RFC3: variants seen among roughly 807,000 people sequenced by gnomAD.
RFC3 encodes A1 38 kDa subunit.
A neutral mutation model predicts 45.1 loss-of-function variants in RFC3; 41 were observed. That is an observed-to-expected ratio of 0.91 (90% confidence interval 0.71 to 1.18). The LOEUF is 1.18. Ranked by LOEUF, RFC3 falls within the 50% of genes most tolerant of loss-of-function variation. The pLI is 0.00. For missense variants in RFC3, 423 were observed against 428.1 expected, an observed-to-expected ratio of 0.99 and a Z score of 0.10; for synonymous variants, 149 against 144.0, an observed-to-expected ratio of 1.03 and a Z score of -0.25.
At chr13:33,829,526 CTT>C in intron 4 of RFC3, 1 of 274,710 alleles carries the variant, frequency 3.6e-6, no homozygotes, top group Non-Finnish European at 6.8e-6. Context: ...AGATTCTTTT[CTT>C]TTTTTTACTA....
chr13:33,882,814 CTCA>C (rs1423439693), intron 8 of RFC3, among the ~76,000 whole-genome samples: 1 of 152,234 alleles, frequency 6.6e-6, no homozygotes, highest in Non-Finnish European at 1.5e-5. Flanking sequence ...CCACTAATCT[CTCA>C]TCATTCTAAT....
intron 8 of RFC3, among the ~76,000 whole-genome samples, chr13:33,927,506 G>T (rs2082821562): frequency 1.3e-5 from 2 of 152,124 alleles, no homozygotes; most frequent in Non-Finnish European, 2.9e-5. Flanking sequence ...AGTGGATCTG[G>T]TGAGTGTTTT....
intron 8 of RFC3, among the ~76,000 whole-genome samples, chr13:33,897,316 T>C (rs911503074): frequency 2.6e-5 from 4 of 152,076 alleles, no homozygotes; most frequent in Admixed American, 6.6e-5. Flanking sequence ...TTCTATTTTT[T>C]GTGTGATCTA....
chr13:33,846,822 C>T (rs1256660213), intron 8 of RFC3: 2 of 152,302 alleles, frequency 1.3e-5, no homozygotes, highest in East Asian at 3.9e-4. Flanking sequence ...TAGGGCTGGT[C>T]TAAATACTCT....
chr13:33,834,927 T>A lies in RFC3; in HGVS notation c.810-221T>A, dbSNP rs3783269. On this transcript the variant is annotated intron_variant, in intron 7 of 8. Coordinates refer to ENST00000380071, the MANE Select transcript of RFC3 (RefSeq NM_002915.4). Reference sequence around the variant, plus strand: ...TTCTGTTTCAAAAATGAACTGAAGTTAGGAGAAGCCTCCATATGTTTATCC... The same window carrying A: ...TTCTGTTTCAAAAATGAACTGAAGTAAGGAGAAGCCTCCATATGTTTATCC... 5.9e-3 allele frequency among the ~76,000 whole-genome samples: 904 copies of A among 152,276 alleles called. 12 individuals are homozygous for A. Among genetic ancestry groups the A allele is most frequent in the Admixed American group, 0.036 (557 of 15,284 alleles).
chr13:33,954,448 G>T (rs547202061), intron 8 of RFC3, among the ~76,000 whole-genome samples: 17 of 152,296 alleles, frequency 1.1e-4, no homozygotes, highest in South Asian at 2.1e-4. Flanking sequence ...ATCCTACTAT[G>T]ATTTGAGGTT....
intron 8 of RFC3, among the ~76,000 whole-genome samples, chr13:33,871,958 A>G (rs1348321465): frequency 3.3e-5 from 5 of 152,224 alleles, no homozygotes; most frequent in African/African-American, 1.2e-4. Context: ...AGTAGTATTT[A>G]GTAGTAGTCA....
At chr13:33,902,083 A>G (rs2082645203) in intron 8 of RFC3, among the ~76,000 whole-genome samples, 1 of 152,044 alleles carries the variant, frequency 6.6e-6, no homozygotes, top group African/African-American at 2.4e-5. Flanking sequence ...TGATGACGGA[A>G]TATCAGTTCA....
At chr13:33,933,151 C>T (rs994169517) in intron 8 of RFC3, among the ~76,000 whole-genome samples, 2 of 152,104 alleles carry the variant, frequency 1.3e-5, no homozygotes, top group Non-Finnish European at 2.9e-5. Context: ...GCAAACAATA[C>T]ATTCTTCAGA....
chr13:33,962,575 T>C (rs2083063918), intron 8 of RFC3, among the ~76,000 whole-genome samples: 1 of 152,200 alleles, frequency 6.6e-6, no homozygotes, highest in Non-Finnish European at 1.5e-5. Flanking sequence ...AGGCCAAATA[T>C]TTATGTTCAC....
At chr13:33,857,338 T>C (rs991035577) in intron 8 of RFC3, among the ~76,000 whole-genome samples, 1 of 152,190 alleles carries the variant, frequency 6.6e-6, no homozygotes, top group African/African-American at 2.4e-5. Context: ...TCCTACAGAA[T>C]GGACTCAAAG....
intron 8 of RFC3, among the ~76,000 whole-genome samples, chr13:33,882,236 A>C (rs1321477754): frequency 1.3e-5 from 2 of 152,242 alleles, no homozygotes; most frequent in South Asian, 2.1e-4. Context: ...GAACTAAACT[A>C]TACACCTAAT....
At chr13:33,857,610 T>C (rs188236264) in intron 8 of RFC3, among the ~76,000 whole-genome samples, 7 of 152,302 alleles carry the variant, frequency 4.6e-5, no homozygotes, top group African/African-American at 1.7e-4. Context: ...ATATTTTTGC[T>C]TCATTTTCTC....
intron 8 of RFC3, among the ~76,000 whole-genome samples, chr13:33,958,581 C>T (rs1328147178): frequency 6.6e-6 from 1 of 152,080 alleles, no homozygotes; most frequent in Non-Finnish European, 1.5e-5. Flanking sequence ...AGCATAGAGA[C>T]GGAAAACAGA....
intron 8 of RFC3, among the ~76,000 whole-genome samples, chr13:33,937,031 G>A (rs1197351635): frequency 6.6e-6 from 1 of 152,136 alleles, no homozygotes; most frequent in Non-Finnish European, 1.5e-5. Flanking sequence ...TATCTTGATT[G>A]TGATGATAAC....
At chr13:33,941,833 C>T (rs530592637) in intron 8 of RFC3, among the ~76,000 whole-genome samples, 1 of 152,168 alleles carries the variant, frequency 6.6e-6, no homozygotes, top group African/African-American at 2.4e-5. Flanking sequence ...ATATTGCTTC[C>T]ACCTCATTCT....
At chr13:33,934,938 G>A (rs2082876858) in intron 8 of RFC3, among the ~76,000 whole-genome samples, 1 of 152,070 alleles carries the variant, frequency 6.6e-6, no homozygotes, top group Non-Finnish European at 1.5e-5. Context: ...CCCCATTCCT[G>A]ATGGTCTGCT....
Position 33,831,319 on chromosome 13 carries a change from T to C in RFC3, c.774T>C (p.Thr258=). The change falls in exon 7 of 9, where the codon ACT becomes ACC. Residue 258 remains threonine, a synonymous_variant. Transcript: ENST00000380071. ...ATTGGGAGGTGTATCTGAGGGAGAC[T>C]GCAAATGCTATTGTCAGTCAGCAAA... ...ETDWEVYLRE[T]ANAIVSQQTP... is the part of the protein sequence containing the mutation. The C allele has an allele frequency of 3.7e-6, 6 of 1,610,262 alleles. No individual in the cohort carries two copies. The highest frequency in any genetic ancestry group is 5.1e-6 in the Non-Finnish European group (6 of 1,176,472).
chr13:33,940,487 A>T (rs962894336), intron 8 of RFC3, among the ~76,000 whole-genome samples: 1 of 152,214 alleles, frequency 6.6e-6, no homozygotes, highest in East Asian at 1.9e-4. Context: ...GTGCGTGTGA[A>T]AAGCATGCAT....
Sources: gnomAD v4.1 joint callset for allele counts (sites outside exome capture counted in the v4.1 genomes callset) on GRCh38, gnomAD v4.1.1 for gene constraint, MANE v1.5 for transcripts, NCBI Gene and HGNC (gene_info 2026-07-23, HGNC 2026-07-21) for gene names.